Variants in ITSN1 observed in about 807,000 individuals in gnomAD.
The protein encoded by ITSN1 is intersectin 1.
ITSN1 carries 58 observed loss-of-function variants against 239.8 expected under a neutral mutation model. That is an observed-to-expected ratio of 0.24 (90% CI 0.20 to 0.30). The LOEUF (loss-of-function observed/expected upper bound fraction) is 0.30. Ranked by LOEUF, ITSN1 falls within the 10% of genes least tolerant of loss-of-function variation. The pLI is 1.00. For missense variants in ITSN1, 1,558 were observed against 2,103.3 expected, an observed-to-expected ratio of 0.74 and a Z score of 5.07; for synonymous variants, 780 against 770.8, an observed-to-expected ratio of 1.01 and a Z score of -0.20.
chr21:33,771,352 C>T (rs2069144135), intron 11 of ITSN1, among the ~76,000 whole-genome samples: 1 of 152,000 alleles, frequency 6.6e-6, no homozygotes, highest in Non-Finnish European at 1.5e-5. Context: ...GCTCCCCTGG[C>T]CGGCGTTGGT....
intron 14 of ITSN1, among the ~76,000 whole-genome samples, chr21:33,778,571 C>CTTTA (rs2069842833): frequency 1.6e-5 from 1 of 63,942 alleles, no homozygotes; most frequent in African/African-American, 7.6e-5. Context: ...ATAATATTCT[C>CTTTA]TTTTTTTTTT....
At chr21:33,727,140 G>A (rs772489132) in intron 4 of ITSN1, among the ~76,000 whole-genome samples, 5 of 152,066 alleles carry the variant, frequency 3.3e-5, no homozygotes, top group South Asian at 2.1e-4. Context: ...AATTATAACC[G>A]TGGCCAAAGA....
chr21:33,775,103 T>C lies in ITSN1; in HGVS notation c.1591T>C (p.Leu531=). Residue 531 remains leucine (L), a synonymous_variant, in exon 14 of 40, where the codon TTA becomes CTA. Coordinates refer to ENST00000381318, the MANE Select transcript of ITSN1 (RefSeq NM_003024.3). Reference sequence around the variant, plus strand: ...CGAAATCACCCATCTACAGCAACAATTACAGGTGAGGAAATATGCCTCTTA... The same window carrying C: ...CGAAATCACCCATCTACAGCAACAACTACAGGTGAGGAAATATGCCTCTTA... ...IAEITHLQQQ[L]QESQQMLGRL... 6.2e-7 allele frequency: 1 copy of C among 1,608,240 alleles called. No individual in the cohort carries two copies. Among genetic ancestry groups the C allele is most frequent in the Non-Finnish European group, 8.5e-7 (1 of 1,178,624 alleles).
chr21:33,729,357 G>A (rs2147189359), intron 4 of ITSN1, among the ~76,000 whole-genome samples: 1 of 152,076 alleles, frequency 6.6e-6, no homozygotes, highest in Admixed American at 6.5e-5. Context: ...GATGGGGTGG[G>A]AGGATCACTT....
intron 1 of ITSN1, among the ~76,000 whole-genome samples, chr21:33,717,644 C>A (rs889326180): frequency 6.6e-6 from 1 of 152,124 alleles, no homozygotes; most frequent in African/African-American, 2.4e-5. Context: ...CAAGCTCCAT[C>A]TCCTGGGTTC....
intron 20 of ITSN1, among the ~76,000 whole-genome samples, chr21:33,803,361 C>T (rs928702684): frequency 1.3e-5 from 2 of 152,062 alleles, no homozygotes; most frequent in Non-Finnish European, 1.5e-5. Flanking sequence ...GGCACATGCA[C>T]AAATATGTGT....
chr21:33,684,980 T>C (rs1267725186), intron 1 of ITSN1, among the ~76,000 whole-genome samples: 3 of 152,180 alleles, frequency 2.0e-5, no homozygotes, highest in Non-Finnish European at 2.9e-5. Flanking sequence ...AATTTCAACA[T>C]CTACAAAAGA....
chr21:33,647,693 G>A (rs891336652), intron 1 of ITSN1, among the ~76,000 whole-genome samples: 6 of 151,974 alleles, frequency 3.9e-5, no homozygotes, highest in Non-Finnish European at 7.4e-5. Context: ...ATGGGGTTTC[G>A]TCATGTTGGC....
rs575653587 is a variant in ITSN1, at chr21:33,672,917, G to A, written c.-33+30204G>A. Among the ~76,000 whole-genome samples, 4 of 152,178 alleles carry A rather than the reference G, an allele frequency of 2.6e-5. No homozygotes were observed. The South Asian group carries it at 8.3e-4, about 32-fold the overall frequency. On this transcript the variant is annotated intron_variant, in intron 1 of 39. Transcript: ENST00000381318. ...CGTAGAGATAGGGTTTCACCATGTT[G>A]GCCAGGATGGTCTCGATCTCTTGAC...
chr21:33,836,065 T>A (rs1040314661), intron 28 of ITSN1, among the ~76,000 whole-genome samples: 1 of 152,220 alleles, frequency 6.6e-6, no homozygotes, highest in African/African-American at 2.4e-5. Context: ...CCATGATACA[T>A]AGCTGTCCTG....
intron 29 of ITSN1, among the ~76,000 whole-genome samples, chr21:33,848,448 T>C (rs1217881223): frequency 6.6e-6 from 1 of 152,226 alleles, no homozygotes; most frequent in Non-Finnish European, 1.5e-5. Flanking sequence ...CGGCTGGGTC[T>C]GTGGCCTTTG....
chr21:33,671,309 A>C (rs2090259407), intron 1 of ITSN1, among the ~76,000 whole-genome samples: 1 of 151,958 alleles, frequency 6.6e-6, no homozygotes, highest in African/African-American at 2.4e-5. Context: ...TTGTTTTGAG[A>C]CAGAGTTTCA....
chr21:33,885,593 C>A, intron 38 of ITSN1, 71 bp downstream of exon 38: 2 of 1,138,636 alleles, frequency 1.8e-6, no homozygotes, highest in East Asian at 4.7e-5. Context: ...CACACCCCCA[C>A]CTGGCTCTAG....
At chr21:33,756,499 T>C (rs2067927653) in intron 8 of ITSN1, among the ~76,000 whole-genome samples, 1 of 152,084 alleles carries the variant, frequency 6.6e-6, no homozygotes, top group African/African-American at 2.4e-5. Context: ...AAATGATTCT[T>C]ACTATTTTTT....
At chr21:33,800,336 G>T (rs570841461) in intron 19 of ITSN1, among the ~76,000 whole-genome samples, 1 of 151,852 alleles carries the variant, frequency 6.6e-6, no homozygotes, top group South Asian at 2.1e-4. Flanking sequence ...ACTAGTGTGC[G>T]TGTGTGTATA....
At chr21:33,699,931 A>G (rs2091937953) in intron 1 of ITSN1, among the ~76,000 whole-genome samples, 1 of 150,944 alleles carries the variant, frequency 6.6e-6, no homozygotes, top group South Asian at 2.1e-4. Context: ...CCAATTTTTA[A>G]GTTTGTTTTT....
At chr21:33,739,023 A>T (rs2066679842) in intron 5 of ITSN1, among the ~76,000 whole-genome samples, 1 of 152,132 alleles carries the variant, frequency 6.6e-6, no homozygotes, top group African/African-American at 2.4e-5. Flanking sequence ...TCAAACTCCT[A>T]ATCTCAAGTA....
At chr21:33,750,525 A>G (rs1227229706) in intron 6 of ITSN1, among the ~76,000 whole-genome samples, 1 of 152,200 alleles carries the variant, frequency 6.6e-6, no homozygotes, top group Non-Finnish European at 1.5e-5. Context: ...GTCAAAGAGA[A>G]TTATAGATTT....
intron 12 of ITSN1, among the ~76,000 whole-genome samples, chr21:33,773,914 A>G (rs1569150234): frequency 6.6e-6 from 1 of 152,062 alleles, no homozygotes; most frequent in Non-Finnish European, 1.5e-5. Flanking sequence ...TCCTGACCTC[A>G]GGTGATCCGC....
Sources: gnomAD v4.1 joint callset for allele counts (sites outside exome capture counted in the v4.1 genomes callset) on GRCh38, gnomAD v4.1.1 for gene constraint, MANE v1.5 for transcripts, NCBI Gene and HGNC (gene_info 2026-07-23, HGNC 2026-07-21) for gene names.